Variants in PRKG1 observed in about 807,000 individuals in gnomAD.
PRKG1 encodes the protein cGMP-dependent protein kinase 1.
Under a neutral mutation model 88.1 loss-of-function variants are expected in PRKG1, and 35 were observed. The observed-to-expected ratio is 0.40, with a 90% confidence interval of 0.30 to 0.53. The LOEUF is 0.53. Ranked by LOEUF, PRKG1 falls within the 20% of genes least tolerant of loss-of-function variation. The probability of loss-of-function intolerance (pLI) is 0.59; values close to 1 mark genes in which losing one functional copy is unlikely to be tolerated. For synonymous variants in PRKG1, 303 were observed against 292.5 expected (o/e 1.04, Z -0.37); for missense variants, 540 against 839.8 (o/e 0.64, Z 4.41).
chr10:52,062,163 T>C (rs1485438337), intron 6 of PRKG1, among the ~76,000 whole-genome samples: 1 of 152,102 alleles, frequency 6.6e-6, no homozygotes, highest in African/African-American at 2.4e-5. Context: ...ACCTATGTTA[T>C]TAATATATTT....
At chr10:51,404,138 A>G (rs1419216814) in intron 2 of PRKG1, among the ~76,000 whole-genome samples, 1 of 152,216 alleles carries the variant, frequency 6.6e-6, no homozygotes, top group African/African-American at 2.4e-5. Context: ...ACGGCCCTGT[A>G]AGCAAACGTG....
intron 2 of PRKG1, among the ~76,000 whole-genome samples, chr10:51,423,721 C>T (rs1298670850): frequency 1.3e-5 from 2 of 152,064 alleles, no homozygotes; most frequent in African/African-American, 4.8e-5. Context: ...TTATTCCAAC[C>T]TCCTGAGGGT....
chr10:51,293,761 AGTTCT>A (rs1358126374), intron 2 of PRKG1, among the ~76,000 whole-genome samples: 1 of 152,134 alleles, frequency 6.6e-6, no homozygotes, highest in African/African-American at 2.4e-5. Context: ...GCTGAATCAT[AGTTCT>A]GTTTTTACCT....
chr10:52,033,725 T>G (rs912428274), intron 5 of PRKG1, among the ~76,000 whole-genome samples: 8 of 152,118 alleles, frequency 5.3e-5, no homozygotes, highest in Admixed American at 5.2e-4. Flanking sequence ...TTCTAGGGCT[T>G]CTACTAAGTG....
intron 7 of PRKG1, among the ~76,000 whole-genome samples, chr10:52,117,619 T>C (rs1847720098): frequency 6.6e-6 from 1 of 152,270 alleles, no homozygotes; most frequent in South Asian, 2.1e-4. Flanking sequence ...ATTTCTATTA[T>C]TTTGTATATC....
chr10:52,036,276 T>G (rs1373114382), intron 5 of PRKG1, among the ~76,000 whole-genome samples: 1 of 151,872 alleles, frequency 6.6e-6, no homozygotes, highest in African/African-American at 2.4e-5. Flanking sequence ...TAATAGGTTA[T>G]AGAGGCAGGT....
intron 1 of PRKG1, among the ~76,000 whole-genome samples, chr10:51,101,617 C>T (rs1485669567): frequency 6.6e-6 from 1 of 152,096 alleles, no homozygotes; most frequent in Non-Finnish European, 1.5e-5. Context: ...TATTTCCACT[C>T]CTTCCCCAAA....
At chr10:52,039,746 A>G (rs1164763523) in intron 5 of PRKG1, among the ~76,000 whole-genome samples, 1 of 152,138 alleles carries the variant, frequency 6.6e-6, no homozygotes, top group African/African-American at 2.4e-5. Flanking sequence ...CTTATTAAAT[A>G]TTCTGTATAC....
At chr10:51,385,630 G>C (rs930139285) in intron 2 of PRKG1, among the ~76,000 whole-genome samples, 6 of 152,080 alleles carry the variant, frequency 3.9e-5, no homozygotes, top group Admixed American at 1.3e-4. Flanking sequence ...CATTGGCCTT[G>C]GTTTTCTGAA....
At chr10:51,772,122 C>T (rs907679185) in intron 3 of PRKG1, among the ~76,000 whole-genome samples, 5 of 151,866 alleles carry the variant, frequency 3.3e-5, no homozygotes, top group East Asian at 1.9e-4. Flanking sequence ...ATTATAACAT[C>T]AAGTTTTAGA....
chr10:51,775,732 C>A (rs1838417937), intron 3 of PRKG1, among the ~76,000 whole-genome samples: 1 of 151,820 alleles, frequency 6.6e-6, no homozygotes, highest in African/African-American at 2.4e-5. Flanking sequence ...TTACAAGCAC[C>A]CACCACCACG....
chr10:51,263,004 C>T (rs977270510), intron 2 of PRKG1, among the ~76,000 whole-genome samples: 8 of 152,144 alleles, frequency 5.3e-5, no homozygotes, highest in African/African-American at 1.7e-4. Flanking sequence ...GTGCTGTTAT[C>T]AAGGATTCTT....
At chr10:51,540,088 T>C (rs1842262674) in intron 3 of PRKG1, among the ~76,000 whole-genome samples, 1 of 152,186 alleles carries the variant, frequency 6.6e-6, no homozygotes, top group Non-Finnish European at 1.5e-5. Context: ...CAAGAATTTT[T>C]CTCTGCTATA....
chr10:51,738,916 A>G lies in PRKG1; in HGVS notation c.593-65669A>G, dbSNP rs143974882. Among the ~76,000 whole-genome samples, 699 of 152,280 alleles carry G rather than the reference A, an allele frequency of 4.6e-3. 5 individuals are homozygous for G. Among genetic ancestry groups the G allele is most frequent in the Non-Finnish European group, 7.6e-3 (519 of 68,012 alleles). Reference sequence around the variant, plus strand: ...TCTAAGTTAGCTTCAAGTTGTATTTAGGACCAAAAATAAGCAACTATGAAA... The same window carrying G: ...TCTAAGTTAGCTTCAAGTTGTATTTGGGACCAAAAATAAGCAACTATGAAA... On this transcript the variant is annotated intron_variant, in intron 3 of 17. Coordinates refer to ENST00000373980, the MANE Select transcript of PRKG1 (RefSeq NM_006258.4).
intron 3 of PRKG1, among the ~76,000 whole-genome samples, chr10:51,632,586 A>G (rs138471989): frequency 6.6e-6 from 1 of 152,182 alleles, no homozygotes; most frequent in East Asian, 1.9e-4. Flanking sequence ...AATCGTATCT[A>G]TCTGTTGTCC....
At chr10:51,003,045 G>T (rs536077075) in intron 1 of PRKG1, among the ~76,000 whole-genome samples, 1 of 152,048 alleles carries the variant, frequency 6.6e-6, no homozygotes, top group African/African-American at 2.4e-5. Flanking sequence ...ATGCTCTCTG[G>T]GACAGTAGTC....
At chr10:51,181,874 C>A (rs928110839) in intron 2 of PRKG1, among the ~76,000 whole-genome samples, 5 of 152,130 alleles carry the variant, frequency 3.3e-5, no homozygotes, top group Non-Finnish European at 7.3e-5. Context: ...AGGTATTTTG[C>A]ATGTATGAAA....
chr10:51,676,469 A>T (rs1249319571), intron 3 of PRKG1, among the ~76,000 whole-genome samples: 1 of 151,978 alleles, frequency 6.6e-6, no homozygotes, highest in East Asian at 1.9e-4. Flanking sequence ...CACAAAAAAA[A>T]AAAAAAAAAT....
At chr10:51,326,863 G>A (rs1841606068) in intron 2 of PRKG1, among the ~76,000 whole-genome samples, 1 of 152,150 alleles carries the variant, frequency 6.6e-6, no homozygotes, top group African/African-American at 2.4e-5. Context: ...GTGCATAGAA[G>A]CTAAGAAATA....
Sources: gnomAD v4.1 joint callset for allele counts (sites outside exome capture counted in the v4.1 genomes callset) on GRCh38, gnomAD v4.1.1 for gene constraint, MANE v1.5 for transcripts, NCBI Gene and HGNC (gene_info 2026-07-23, HGNC 2026-07-21) for gene names.